Variants in ZBTB20 observed in about 807,000 individuals in gnomAD.
ZBTB20 encodes the protein zinc finger and BTB domain containing 20.
Under a neutral mutation model 56.9 loss-of-function variants are expected in ZBTB20, and 9 were observed. That is an observed-to-expected ratio of 0.16 (90% CI 0.10 to 0.28). The LOEUF is 0.28. Among genes scored for constraint, ZBTB20 ranks in the 10% least tolerant of loss-of-function variants. The pLI, the probability that ZBTB20 is intolerant of heterozygous loss-of-function variation, is 1.00. For missense variants in ZBTB20, 655 were observed against 1,003.0 expected, an observed-to-expected ratio of 0.65 and a Z score of 4.69; for synonymous variants, 417 against 420.7, an observed-to-expected ratio of 0.99 and a Z score of 0.11.
chr3:115,106,477 C>A (rs1453471056), intron 1 of ZBTB20, among the ~76,000 whole-genome samples: 1 of 152,000 alleles, frequency 6.6e-6, no homozygotes, highest in South Asian at 2.1e-4. Flanking sequence ...TTGTGTTCCG[C>A]CTGCCTCAGC....
chr3:114,649,830 G>A (rs573701277), intron 6 of ZBTB20, among the ~76,000 whole-genome samples: 1 of 151,954 alleles, frequency 6.6e-6, no homozygotes, highest in Admixed American at 6.6e-5. Flanking sequence ...AACATTAAAA[G>A]GCTGATTGGA....
chr3:115,005,000 T>G (rs2079405063), intron 2 of ZBTB20, among the ~76,000 whole-genome samples: 1 of 151,642 alleles, frequency 6.6e-6, no homozygotes, highest in African/African-American at 2.4e-5. Context: ...GTTATGTGTG[T>G]GTATGAGTGT....
chr3:115,037,795 T>C (rs113144452), intron 2 of ZBTB20, among the ~76,000 whole-genome samples: 273 of 152,286 alleles, frequency 1.8e-3, no homozygotes, highest in African/African-American at 6.2e-3. Context: ...CAGTAATTGA[T>C]AGGTGAAGAT....
intron 6 of ZBTB20, among the ~76,000 whole-genome samples, chr3:114,505,425 A>T (rs1452638203): frequency 6.6e-6 from 1 of 152,214 alleles, no homozygotes; most frequent in African/African-American, 2.4e-5. Context: ...GAAAATTAGA[A>T]TGTGTCACTG....
intron 6 of ZBTB20, among the ~76,000 whole-genome samples, chr3:114,559,509 G>C (rs1017176785): frequency 2.0e-5 from 3 of 152,146 alleles, no homozygotes; most frequent in Admixed American, 2.0e-4. Context: ...TAGGCTTGAG[G>C]GGGTTTGTGA....
intron 1 of ZBTB20, among the ~76,000 whole-genome samples, chr3:115,082,533 T>C (rs1016017610): frequency 2.6e-5 from 4 of 152,006 alleles, no homozygotes; most frequent in African/African-American, 9.7e-5. Flanking sequence ...GCACAGCCTA[T>C]CAGAAACCAG....
intron 2 of ZBTB20, among the ~76,000 whole-genome samples, chr3:115,051,392 T>C (rs1021370729): frequency 1.3e-5 from 2 of 152,112 alleles, no homozygotes; most frequent in Non-Finnish European, 2.9e-5. Flanking sequence ...TTAAGAAGAT[T>C]TCACTGAGAA....
intron 5 of ZBTB20, among the ~76,000 whole-genome samples, chr3:114,721,805 T>C (rs1192473894): frequency 6.6e-6 from 1 of 152,124 alleles, no homozygotes. Flanking sequence ...ATTCGTGGGA[T>C]TCTTGGGATT....
intron 7 of ZBTB20, among the ~76,000 whole-genome samples, chr3:114,452,720 G>T (rs940136575): frequency 1.3e-5 from 2 of 149,154 alleles, no homozygotes; most frequent in Non-Finnish European, 3.0e-5. Context: ...CCTCCCCAGG[G>T]ATATGAATAG....
At chr3:114,783,414 C>A (rs2070257258) in intron 5 of ZBTB20, among the ~76,000 whole-genome samples, 1 of 152,088 alleles carries the variant, frequency 6.6e-6, no homozygotes, top group Non-Finnish European at 1.5e-5. Flanking sequence ...ATTATGGATT[C>A]ATGAAGCACA....
chr3:114,786,249 T>C (rs2070479019), intron 5 of ZBTB20, among the ~76,000 whole-genome samples: 2 of 152,094 alleles, frequency 1.3e-5, no homozygotes, highest in Admixed American at 1.3e-4. Context: ...CCCATCAACC[T>C]GTCATCTACA....
intron 3 of ZBTB20, among the ~76,000 whole-genome samples, chr3:114,906,715 C>G (rs2075332025): frequency 6.6e-6 from 1 of 151,470 alleles, no homozygotes; most frequent in South Asian, 2.1e-4. Context: ...CCAGCGTCTG[C>G]AACAAGATTG....
rs1261492391 is a variant in ZBTB20, at chr3:114,321,525, T to A, written c.*17480A>T. On this transcript the variant is annotated 3_prime_UTR_variant, in exon 12 of 12. Coordinates refer to ENST00000675478, the MANE Select transcript of ZBTB20 (RefSeq NM_001348800.3). ...GCAGAGAAGGTGTGCAAAGTTTCAA[T>A]GGCAGGGGCTCTTTACGTTAACTAT... The A allele has an allele frequency of 6.6e-6, 1 of 152,254 alleles. No homozygotes were observed. Among genetic ancestry groups the A allele is most frequent in the East Asian group, 1.9e-4 (1 of 5,206 alleles). 9.4% of individuals were successfully genotyped at this position (152,254 alleles called of 1,614,324 possible). A position where few individuals can be genotyped will look rare whatever the true frequency, so the allele number is the denominator to read the frequency against.
intron 4 of ZBTB20, 21 bp from the exon 5 acceptor site, chr3:114,801,195 A>C (rs1300794288): frequency 1.3e-5 from 2 of 151,956 alleles, no homozygotes; most frequent in Admixed American, 1.3e-4. Flanking sequence ...ACAGGTTAAA[A>C]TCTCTTTCAG....
chr3:114,755,542 T>C (rs915265339), intron 5 of ZBTB20, among the ~76,000 whole-genome samples: 1 of 152,208 alleles, frequency 6.6e-6, no homozygotes, highest in African/African-American at 2.4e-5. Flanking sequence ...TTCTAATCTT[T>C]GATTTGCTGC....
At chr3:114,862,654 C>T (rs957518886) in intron 4 of ZBTB20, among the ~76,000 whole-genome samples, 4 of 151,960 alleles carry the variant, frequency 2.6e-5, no homozygotes, top group South Asian at 2.1e-4. Context: ...TTGTATGCTC[C>T]GAGCCTATAA....
chr3:114,817,564 T>TA (rs2073013026), intron 4 of ZBTB20, among the ~76,000 whole-genome samples: 1 of 150,768 alleles, frequency 6.6e-6, no homozygotes, highest in South Asian at 2.1e-4. Context: ...AATAAATAAA[T>TA]ATCTCTCTAT....
At chr3:114,398,695 T>C (rs1390845321) in intron 7 of ZBTB20, among the ~76,000 whole-genome samples, 2 of 152,202 alleles carry the variant, frequency 1.3e-5, no homozygotes, top group Non-Finnish European at 1.5e-5. Flanking sequence ...TTACCATTCA[T>C]AATCATTAAA....
intron 6 of ZBTB20, among the ~76,000 whole-genome samples, chr3:114,510,677 G>A (rs997746759): frequency 3.9e-5 from 6 of 152,016 alleles, no homozygotes; most frequent in South Asian, 2.1e-4. Context: ...CATTGCATCC[G>A]AGGGTGCAAA....
Sources: gnomAD v4.1 joint callset for allele counts (sites outside exome capture counted in the v4.1 genomes callset) on GRCh38, gnomAD v4.1.1 for gene constraint, MANE v1.5 for transcripts, NCBI Gene and HGNC (gene_info 2026-07-23, HGNC 2026-07-21) for gene names.